Variants in DOCK5 observed in about 807,000 individuals in gnomAD.
DOCK5 encodes dedicator of cytokinesis 5.
DOCK5 carries 142 observed loss-of-function variants against 251.8 expected under a neutral mutation model. That is an observed-to-expected ratio of 0.56 (90% CI 0.49 to 0.65). The LOEUF is 0.65. Ranked by LOEUF, DOCK5 falls within the 30% of genes least tolerant of loss-of-function variation. DOCK5 has a pLI of 0.00. For synonymous variants in DOCK5, 842 were observed against 835.5 expected (o/e 1.01, Z -0.13); for missense variants, 2,111 against 2,312.3 (o/e 0.91, Z 1.79).
chr8:25,286,212 A>C (rs1037143862), intron 5 of DOCK5, among the ~76,000 whole-genome samples: 1 of 152,142 alleles, frequency 6.6e-6, no homozygotes, highest in Non-Finnish European at 1.5e-5. Context: ...TGTTACAGCT[A>C]CGTGGAAAAG....
intron 2 of DOCK5, among the ~76,000 whole-genome samples, chr8:25,259,628 T>A (rs1284296595): frequency 6.6e-6 from 1 of 151,956 alleles, no homozygotes; most frequent in Non-Finnish European, 1.5e-5. Flanking sequence ...CTGGCTGATT[T>A]AAAAAAAATT....
intron 47 of DOCK5, among the ~76,000 whole-genome samples, chr8:25,401,464 G>A (rs2117336010): frequency 6.6e-6 from 1 of 152,312 alleles, no homozygotes; most frequent in South Asian, 2.1e-4. Flanking sequence ...CAGGTGCAGT[G>A]GCTCACAGCT....
At chr8:25,313,803 T>C (rs1410062753) in intron 13 of DOCK5, among the ~76,000 whole-genome samples, 1 of 152,218 alleles carries the variant, frequency 6.6e-6, no homozygotes, top group Non-Finnish European at 1.5e-5. Flanking sequence ...ACCAGTCATA[T>C]TGGATTAGGG....
rs1373098454 is a variant in DOCK5 at position 25,210,647 on chromosome 8, C to G, written c.43+25696C>G. On this transcript the variant is annotated intron_variant, in intron 1 of 51. Transcript: ENST00000276440. ...AGTGTGGTGACACATGCCTGTAATC[C>G]CAGCTACTTGGGAGGCTGAGGCATG... 5.7e-5 allele frequency among the ~76,000 whole-genome samples: 4 copies of G among 69,976 alleles called. 2 individuals carry two copies. Among genetic ancestry groups the G allele is most frequent in the Non-Finnish European group, 9.3e-5 (2 of 21,450 alleles). 45.9% of individuals were successfully genotyped at this position (69,976 alleles called of 152,430 possible). A position where few individuals can be genotyped will look rare whatever the true frequency, so the allele number is the denominator to read the frequency against.
At chr8:25,231,844 T>C (rs1000928466) in intron 1 of DOCK5, among the ~76,000 whole-genome samples, 1 of 152,216 alleles carries the variant, frequency 6.6e-6, no homozygotes, top group Non-Finnish European at 1.5e-5. Context: ...TTTTCTACTT[T>C]GCTGACAGGT....
At chr8:25,255,312 T>G (rs1803391615) in intron 2 of DOCK5, among the ~76,000 whole-genome samples, 1 of 152,224 alleles carries the variant, frequency 6.6e-6, no homozygotes, top group Non-Finnish European at 1.5e-5. Flanking sequence ...CAAGATGTTC[T>G]TCAGTAGGTG....
intron 21 of DOCK5, among the ~76,000 whole-genome samples, chr8:25,335,795 T>C (rs1805791867): frequency 6.6e-6 from 1 of 152,196 alleles, no homozygotes; most frequent in African/African-American, 2.4e-5. Context: ...ATAAAGTTTC[T>C]ATCTGGCTCC....
At chr8:25,349,762 C>T (rs750099046) in intron 26 of DOCK5, among the ~76,000 whole-genome samples, 4 of 152,004 alleles carry the variant, frequency 2.6e-5, no homozygotes, top group East Asian at 1.9e-4. Context: ...GTGGACTTTC[C>T]GGGGAAAGGC....
rs1381159564 is a variant in DOCK5 at position 25,395,589 on chromosome 8, C to T, written c.4574C>T (p.Thr1525Ile). Residue 1525 changes from threonine (T) to isoleucine (I), a missense_variant, in exon 45 of 52, where the codon ACC becomes ATC. Physicochemically the swap from Thr to Ile is moderately conservative, Grantham distance 89 (BLOSUM62 -1). Around this residue, in one of 3 missense-constraint regions of DOCK5, gnomAD observed 1,717 missense variants for 1,892.4 expected, o/e 0.91. Transcript: ENST00000276440. ...LENAIETMEL[T>I]NERISNCVQQ... ...AATGCCATCGAAACCATGGAGCTGA[C>T]CAACGAGAGGATCAGCAACTGTGTT... 2 of 1,613,748 alleles carry T rather than the reference C, an allele frequency of 1.2e-6. No homozygotes were observed. The highest frequency in any genetic ancestry group is 1.1e-5 in the South Asian group (1 of 91,054).
intron 42 of DOCK5, among the ~76,000 whole-genome samples, chr8:25,390,587 G>A (rs1801240202): frequency 6.6e-6 from 1 of 152,122 alleles, no homozygotes; most frequent in Non-Finnish European, 1.5e-5. Context: ...AGGGATGTGG[G>A]GGTTTTGGTT....
chr8:25,354,826 G>A (rs1800539671), intron 27 of DOCK5, among the ~76,000 whole-genome samples: 1 of 152,152 alleles, frequency 6.6e-6, no homozygotes, highest in African/African-American at 2.4e-5. Context: ...CTTCATAGAT[G>A]CCAAAATGGT....
chr8:25,322,378 G>A (rs1235923896), intron 16 of DOCK5, among the ~76,000 whole-genome samples: 3 of 152,252 alleles, frequency 2.0e-5, no homozygotes, highest in Non-Finnish European at 2.9e-5. Flanking sequence ...GCTGAGACTT[G>A]AAGGTGAGTA....
chr8:25,311,676 C>T (rs879295965), intron 13 of DOCK5, among the ~76,000 whole-genome samples: 1 of 151,998 alleles, frequency 6.6e-6, no homozygotes, highest in Non-Finnish European at 1.5e-5. Flanking sequence ...AATCCCAGAA[C>T]TTTAGGAGGC....
chr8:25,388,442 TG>T (rs1379757096), intron 40 of DOCK5, among the ~76,000 whole-genome samples: 2 of 151,568 alleles, frequency 1.3e-5, no homozygotes, highest in South Asian at 2.1e-4. Context: ...GAAATCTCTT[TG>T]GGGAAAAAAA....
chr8:25,253,543 A>G (rs1365453585), intron 2 of DOCK5, among the ~76,000 whole-genome samples: 7 of 152,178 alleles, frequency 4.6e-5, no homozygotes, highest in African/African-American at 1.4e-4. Context: ...TCCATATAAC[A>G]TCACGGTTGG....
chr8:25,204,867 A>C (rs1278774414), intron 1 of DOCK5, among the ~76,000 whole-genome samples: 1 of 152,062 alleles, frequency 6.6e-6, no homozygotes, highest in East Asian at 1.9e-4. Context: ...ATTTAAAGGA[A>C]GATTGATTTT....
At chr8:25,367,954 C>T (rs1255911312) in intron 31 of DOCK5, among the ~76,000 whole-genome samples, 1 of 151,926 alleles carries the variant, frequency 6.6e-6, no homozygotes, top group Admixed American at 6.6e-5. Context: ...GTTTGTTAAT[C>T]TCATCTTCTC....
rs551380402 is a variant in DOCK5, at chr8:25,221,074, C to T, written c.44-22600C>T. Among the ~76,000 whole-genome samples the T allele has an allele frequency of 3.9e-5, 6 of 152,234 alleles. No individual in the cohort carries two copies. The East Asian group carries it at 1.2e-3, about 29-fold the overall frequency. On this transcript the variant is annotated intron_variant, in intron 1 of 51. Transcript: ENST00000276440. ...CTCTCCAGTCTGTCCCTAACTGGGA[C>T]CAAGCTACCTATATCACTTTATTTC...
chr8:25,329,013 T>C (rs921110373), intron 18 of DOCK5, among the ~76,000 whole-genome samples: 1 of 152,210 alleles, frequency 6.6e-6, no homozygotes, highest in East Asian at 1.9e-4. Context: ...GTTTATAGTT[T>C]ATCGTTTTGC....
Sources: allele counts gnomAD v4.1 joint callset (sites outside exome capture counted in the v4.1 genomes callset), GRCh38; gene constraint gnomAD v4.1.1; regional missense constraint gnomAD v4.1.1; transcripts MANE v1.5; gene names NCBI Gene and HGNC (gene_info 2026-07-23, HGNC 2026-07-21).